The following ZDHHC11B variants were observed in gnomAD, a reference collection of about 807,000 sequenced individuals.
ZDHHC11B encodes the protein zDHHC palmitoyltransferase 11B (putative), also known as probable palmitoyltransferase ZDHHC11B.
In ZDHHC11B, 17 loss-of-function variants were observed where a neutral mutation model predicts 42.3. The ratio of observed to expected loss-of-function variants is 0.40; its 90% CI spans 0.27 to 0.60. ZDHHC11B has a LOEUF of 0.60. Ranked by LOEUF, ZDHHC11B falls within the 20% of genes least tolerant of loss-of-function variation. ZDHHC11B has a pLI of 0.41. For synonymous variants in ZDHHC11B, 123 were observed against 193.5 expected, an observed-to-expected ratio of 0.64 and a Z score of 3.02; for missense variants, 262 against 463.2, an observed-to-expected ratio of 0.57 and a Z score of 3.99.
chr5:728,141 A>G lies in ZDHHC11B; in HGVS notation c.1058+2293T>C, dbSNP rs537304561. Among the ~76,000 whole-genome samples the G allele has an allele frequency of 3.1e-3, 470 of 151,088 alleles. 11 individuals carry two copies. The highest frequency in any genetic ancestry group is 0.011 in the African/African-American group (428 of 40,568). ...ATTCATACAAGAGGAACTGTGAAAC[A>G]GTAAAAAAGAGAATGACAATGTGTT... On this transcript the variant is annotated intron_variant, in intron 12 of 13. Transcript: ENST00000508859.
intron 4 of ZDHHC11B, among the ~76,000 whole-genome samples, chr5:757,015 C>A (rs1366581708): frequency 4.0e-5 from 6 of 151,890 alleles, no homozygotes; most frequent in South Asian, 2.1e-4. Context: ...TCCCCTGGAG[C>A]CAGGAGAAGC....
chr5:720,212 T>C (rs1279627834), intron 12 of ZDHHC11B, among the ~76,000 whole-genome samples: 6 of 151,862 alleles, frequency 4.0e-5, no homozygotes, highest in African/African-American at 9.7e-5. Context: ...AGATCTACGC[T>C]AAGACACATT....
chr5:733,908 G>A (rs2127013426), intron 10 of ZDHHC11B, 69 bp from the exon 11 acceptor site: 1 of 1,366,860 alleles, frequency 7.3e-7, no homozygotes. Flanking sequence ...GGCACTGGAG[G>A]CTGCACCGCG....
At chr5:773,508 C>A (rs1736222635) in intron 1 of ZDHHC11B, among the ~76,000 whole-genome samples, 1 of 151,834 alleles carries the variant, frequency 6.6e-6, no homozygotes, top group Non-Finnish European at 1.5e-5. Flanking sequence ...CAGACCTGTG[C>A]CCACCATCCC....
chr5:760,247 G>T (rs567376243), intron 4 of ZDHHC11B, among the ~76,000 whole-genome samples: 1 of 151,886 alleles, frequency 6.6e-6, no homozygotes, highest in South Asian at 2.1e-4. Flanking sequence ...GCCCTAACCC[G>T]CAGCACCCGT....
chr5:745,032 C>T (rs1182523612), intron 9 of ZDHHC11B, 151 bp downstream of exon 9: 3 of 822,120 alleles, frequency 3.6e-6, no homozygotes, highest in South Asian at 3.5e-5. Flanking sequence ...CACACCCATG[C>T]ACAGAGCCTC....
At chr5:770,762 T>C (rs1212468901) in intron 1 of ZDHHC11B, among the ~76,000 whole-genome samples, 1 of 152,018 alleles carries the variant, frequency 6.6e-6, no homozygotes. Context: ...GGGAGGGGAC[T>C]GCCAGTGTGC....
rs1468972193 is a variant in ZDHHC11B at position 733,851 on chromosome 5, G to A, written c.936-12C>T. ...TCTTGGCCTTGACTCTGGTGGGACA[G>A]GAAGGAGGAGAGAAACTCATCTCAG... is the stretch of plus-strand genomic sequence containing the variant. On this transcript the variant is annotated splice_polypyrimidine_tract_variant and intron_variant, in intron 10 of 13. Coordinates refer to ENST00000508859, the MANE Select transcript of ZDHHC11B (RefSeq NM_001351303.2). The A allele has an allele frequency of 1.9e-6, 3 of 1,601,492 alleles. No homozygotes were observed. The highest frequency in any genetic ancestry group is 1.7e-5 in the Admixed American group (1 of 59,650).
intron 11 of ZDHHC11B, among the ~76,000 whole-genome samples, chr5:731,083 A>G (rs1742988742): frequency 6.6e-6 from 1 of 151,814 alleles, no homozygotes; most frequent in African/African-American, 2.4e-5. Context: ...CTTGGTTAAG[A>G]ACCTGGGAGT....
intron 12 of ZDHHC11B, among the ~76,000 whole-genome samples, chr5:718,689 CTG>C (rs1403474991): frequency 8.9e-6 from 1 of 112,454 alleles, no homozygotes; most frequent in Non-Finnish European, 1.8e-5. Flanking sequence ...GAGCGAGACT[CTG>C]TCTCAAAAAA....
chr5:733,432 C>A (rs1743205258), intron 11 of ZDHHC11B, among the ~76,000 whole-genome samples: 1 of 151,722 alleles, frequency 6.6e-6, no homozygotes. Flanking sequence ...ACAGCACTGT[C>A]CCTCGCTGCA....
rs989378387 is a variant in ZDHHC11B, at chr5:764,703, G to A, written c.222+1995C>T. 1.5e-4 allele frequency among the ~76,000 whole-genome samples: 23 copies of A among 151,948 alleles called. 1 individual carries two copies. Among genetic ancestry groups the A allele is most frequent in the Admixed American group, 7.9e-4 (12 of 15,252 alleles). Reference sequence around the variant, plus strand: ...CAGTGAGCACCGTCCCCTGCTCTGCGGCACCCGGTCCCATCCACCACCCAA... The same window carrying A: ...CAGTGAGCACCGTCCCCTGCTCTGCAGCACCCGGTCCCATCCACCACCCAA... On this transcript the variant is annotated intron_variant, in intron 4 of 13. Transcript: ENST00000508859.
At chr5:777,972 G>GA (rs1277150108) in intron 1 of ZDHHC11B, among the ~76,000 whole-genome samples, 6 of 151,898 alleles carry the variant, frequency 4.0e-5, no homozygotes, top group Non-Finnish European at 1.5e-5. Flanking sequence ...GCCCAGCAGG[G>GA]AGGCGGCTGA....
rs116264288 is a variant in ZDHHC11B, at chr5:730,452, G to A, written c.1040C>T (p.Pro347Leu). 3.3e-4 allele frequency: 514 copies of A among 1,573,728 alleles called. 3 individuals carry two copies. The African/African-American group carries it at 6.1e-3, about 19-fold the overall frequency. The stretch of plus-strand genomic sequence containing the variant: ...AACTTACCCAAGTGTAGATGTACTC[G>A]GGGCATCATCTGCTTCCTGTGGGGG... ...DSKAQEADDA[P>L]STSTLGLQQE... The change falls in exon 12 of 14, where the codon CCG (proline) becomes CTG (leucine). Residue 347 changes from proline to leucine, a missense_variant. By Grantham distance (98) the Pro-to-Leu change is moderately conservative. Around this residue, in one of 5 missense-constraint regions of ZDHHC11B, gnomAD observed 75 missense variants for 70.1 expected, o/e 1.07. Transcript: ENST00000508859.
At chr5:757,866 G>A (rs1473797731) in intron 4 of ZDHHC11B, among the ~76,000 whole-genome samples, 1 of 151,870 alleles carries the variant, frequency 6.6e-6, no homozygotes, top group Non-Finnish European at 1.5e-5. Context: ...GGGCCAGCCA[G>A]GCCCTGGGGG....
At position 729,012 on chromosome 5, in the gene ZDHHC11B, C is replaced by CAAAAAAAAAA. The variant is rs751272226; in HGVS notation, c.1058+1412_1058+1421dup. 8.6e-4 allele frequency among the ~76,000 whole-genome samples: 115 copies of CAAAAAAAAAA among 134,484 alleles called. 1 individual carries two copies. Among genetic ancestry groups the CAAAAAAAAAA allele is most frequent in the Admixed American group, 2.6e-3 (35 of 13,310 alleles). 88.2% of individuals were successfully genotyped at this position (134,484 alleles called of 152,430 possible). On this transcript the variant is annotated intron_variant, in intron 12 of 13. Transcript: ENST00000508859. ...TGGGTGACAGAGAAAGACCCTGTCT[C>CAAAAAAAAAA]AAAAAAAAAAAAAAATGTTGCTCCA...
At chr5:741,247 A>G (rs1444808867) in intron 10 of ZDHHC11B, among the ~76,000 whole-genome samples, 1 of 143,108 alleles carries the variant, frequency 7.0e-6, no homozygotes, top group Non-Finnish European at 1.5e-5. Flanking sequence ...TCTATGAAAC[A>G]CTATTAGAGA....
intron 6 of ZDHHC11B, among the ~76,000 whole-genome samples, chr5:752,845 G>A: frequency 8.6e-6 from 1 of 115,868 alleles, no homozygotes; most frequent in Non-Finnish European, 1.9e-5. Flanking sequence ...CTTGTGGGGA[G>A]TAAAGACCCC....
chr5:767,312 A>G (rs1358461399), intron 3 of ZDHHC11B, 80 bp downstream of exon 3: 3 of 1,468,260 alleles, frequency 2.0e-6, no homozygotes, highest in Non-Finnish European at 2.8e-6. Flanking sequence ...CCACCCACAC[A>G]CATGTGGGGC....
Sources: allele counts gnomAD v4.1 joint callset (sites outside exome capture counted in the v4.1 genomes callset), GRCh38; gene constraint gnomAD v4.1.1; regional missense constraint gnomAD v4.1.1; transcripts MANE v1.5; gene names NCBI Gene and HGNC (gene_info 2026-07-23, HGNC 2026-07-21).